The following NEGR1 variants were observed in gnomAD, a reference collection of about 807,000 sequenced individuals.
The protein encoded by NEGR1 is neuronal growth regulator 1.
A neutral mutation model predicts 40.9 loss-of-function variants in NEGR1; 10 were observed. That is an observed-to-expected ratio of 0.24 (90% CI 0.15 to 0.42). NEGR1 has a LOEUF of 0.42. Ranked by LOEUF, NEGR1 falls within the 10% of genes least tolerant of loss-of-function variation. The probability of loss-of-function intolerance (pLI) is 1.00; values close to 1 mark genes in which losing one functional copy is unlikely to be tolerated. For synonymous variants in NEGR1, 185 were observed against 166.8 expected (o/e 1.11, Z -0.84); for missense variants, 352 against 438.9 (o/e 0.80, Z 1.77).
chr1:71,902,095 G>C (rs902692371), intron 2 of NEGR1, among the ~76,000 whole-genome samples: 1 of 152,128 alleles, frequency 6.6e-6, no homozygotes, highest in African/African-American at 2.4e-5. Context: ...CAAGCAGTCT[G>C]GGGAAATTAA....
At chr1:71,443,749 TTG>T (rs1471452815) in intron 6 of NEGR1, among the ~76,000 whole-genome samples, 1 of 152,212 alleles carries the variant, frequency 6.6e-6, no homozygotes, top group Non-Finnish European at 1.5e-5. Context: ...TTTTTATAAT[TTG>T]TGAGAAACAT....
At chr1:71,797,707 T>C (rs918728957) in intron 2 of NEGR1, among the ~76,000 whole-genome samples, 7 of 152,170 alleles carry the variant, frequency 4.6e-5, no homozygotes, top group Admixed American at 4.6e-4. Context: ...TTTTCTTTTT[T>C]TAAGTTTCAG....
intron 2 of NEGR1, among the ~76,000 whole-genome samples, chr1:71,784,703 A>G (rs1374024162): frequency 1.2e-4 from 18 of 152,128 alleles, no homozygotes; most frequent in Admixed American, 1.2e-3. Context: ...TCTTCTCTGG[A>G]CTCTCTAATG....
intron 4 of NEGR1, among the ~76,000 whole-genome samples, chr1:71,630,305 G>T (rs1650930851): frequency 6.6e-6 from 1 of 151,890 alleles, no homozygotes; most frequent in Non-Finnish European, 1.5e-5. Context: ...GTTTATAAAC[G>T]ATACAGGATG....
At chr1:71,638,542 G>C (rs930692456) in intron 4 of NEGR1, among the ~76,000 whole-genome samples, 1 of 152,008 alleles carries the variant, frequency 6.6e-6, no homozygotes, top group Non-Finnish European at 1.5e-5. Context: ...ACAGTGATAG[G>C]GACATCAATT....
intron 1 of NEGR1, among the ~76,000 whole-genome samples, chr1:72,028,181 C>A (rs1250806084): frequency 6.6e-6 from 1 of 152,162 alleles, no homozygotes; most frequent in African/African-American, 2.4e-5. Flanking sequence ...CTTAAATAGT[C>A]CTCAGCCTGT....
chr1:71,865,242 C>T (rs1660076746), intron 2 of NEGR1, among the ~76,000 whole-genome samples: 1 of 152,110 alleles, frequency 6.6e-6, no homozygotes, highest in South Asian at 2.1e-4. Flanking sequence ...GTGTAAGCAT[C>T]TAATTCCCTG....
At chr1:72,094,146 G>A (rs1648607269) in intron 1 of NEGR1, among the ~76,000 whole-genome samples, 1 of 152,108 alleles carries the variant, frequency 6.6e-6, no homozygotes, top group South Asian at 2.1e-4. Flanking sequence ...ATGCTTTCCT[G>A]ATGCTCAAGT....
chr1:71,598,553 G>A (rs903284148), intron 5 of NEGR1, among the ~76,000 whole-genome samples: 1 of 152,100 alleles, frequency 6.6e-6, no homozygotes, highest in African/African-American at 2.4e-5. Context: ...ACATAGAGTA[G>A]GTTCTCTCCT....
intron 4 of NEGR1, among the ~76,000 whole-genome samples, chr1:71,691,946 T>G (rs565885800): frequency 6.6e-6 from 1 of 151,792 alleles, no homozygotes; most frequent in Non-Finnish European, 1.5e-5. Context: ...TAAGGCCTAT[T>G]AGAAGCTTTC....
intron 2 of NEGR1, among the ~76,000 whole-genome samples, chr1:71,819,727 A>C (rs1658356991): frequency 6.6e-6 from 1 of 152,012 alleles, no homozygotes; most frequent in Admixed American, 6.6e-5. Flanking sequence ...AATCTATGTC[A>C]AAGGGGGGAT....
At chr1:71,589,805 A>C (rs1242342508) in intron 6 of NEGR1, among the ~76,000 whole-genome samples, 1 of 152,020 alleles carries the variant, frequency 6.6e-6, no homozygotes, top group Admixed American at 6.6e-5. Flanking sequence ...AATGCCTAAG[A>C]GTGTCTTTTG....
At chr1:72,236,495 T>C (rs923975623) in intron 1 of NEGR1, among the ~76,000 whole-genome samples, 5 of 151,832 alleles carry the variant, frequency 3.3e-5, no homozygotes, top group African/African-American at 1.2e-4. Flanking sequence ...TCGAAACAAT[T>C]TTGAAGTGCC....
rs75346486 is a variant in NEGR1, at chr1:72,076,137, T to C, written c.177-140826A>G. 7.9e-4 allele frequency among the ~76,000 whole-genome samples: 121 copies of C among 152,292 alleles called. 1 individual carries two copies. Among genetic ancestry groups the C allele is most frequent in the African/African-American group, 2.8e-3 (115 of 41,572 alleles). ...CATTTGTTACAACTAGATGTAGCCA[T>C]ATGCAATGGACTGAATATTTGTGTC... On this transcript the variant is annotated intron_variant, in intron 1 of 6. Transcript: ENST00000357731.
At chr1:71,615,089 T>A (rs1441390626) in intron 4 of NEGR1, among the ~76,000 whole-genome samples, 1 of 152,210 alleles carries the variant, frequency 6.6e-6, no homozygotes, top group African/African-American at 2.4e-5. Context: ...CATGAGGCTA[T>A]CCCTTTGTGG....
chr1:72,002,274 T>C (rs1646564250), intron 1 of NEGR1, among the ~76,000 whole-genome samples: 1 of 152,188 alleles, frequency 6.6e-6, no homozygotes, highest in Admixed American at 6.5e-5. Context: ...ATTATTATCA[T>C]CTTAATGAAT....
intron 1 of NEGR1, among the ~76,000 whole-genome samples, chr1:72,109,665 T>C (rs949834019): frequency 2.0e-4 from 30 of 151,702 alleles, no homozygotes; most frequent in Non-Finnish European, 3.0e-5. Context: ...GAGATTTTCT[T>C]TAATTCCTTC....
chr1:71,605,703 A>G (rs1557584645), intron 5 of NEGR1, among the ~76,000 whole-genome samples: 2 of 152,334 alleles, frequency 1.3e-5, no homozygotes, highest in East Asian at 3.9e-4. Flanking sequence ...ATTGAGGAAA[A>G]AAGTTTAAAT....
At chr1:72,192,463 T>G (rs1652852409) in intron 1 of NEGR1, among the ~76,000 whole-genome samples, 1 of 151,768 alleles carries the variant, frequency 6.6e-6, no homozygotes, top group African/African-American at 2.4e-5. Context: ...AAATATGGAT[T>G]TTTTCTTAAA....
Sources: allele counts gnomAD v4.1 joint callset (sites outside exome capture counted in the v4.1 genomes callset), GRCh38; gene constraint gnomAD v4.1.1; transcripts MANE v1.5; gene names NCBI Gene and HGNC (gene_info 2026-07-23, HGNC 2026-07-21).